Variants in XIRP2 observed in about 807,000 individuals in gnomAD.
XIRP2 encodes xin actin-binding repeat-containing protein 2.
In XIRP2, 236 loss-of-function variants were observed where a neutral mutation model predicts 277.0. The ratio of observed to expected loss-of-function variants is 0.85; its 90% CI spans 0.77 to 0.95. XIRP2 has a LOEUF of 0.95. Among genes scored for constraint, XIRP2 ranks in the 40% least tolerant of loss-of-function variants. The pLI is 0.00. For missense variants in XIRP2, 4,640 were observed against 4,157.5 expected, an observed-to-expected ratio of 1.12 and a Z score of -3.19; for synonymous variants, 1,490 against 1,416.5, an observed-to-expected ratio of 1.05 and a Z score of -1.17.
chr2:166,994,974 C>T (rs528072675), intron 2 of XIRP2, among the ~76,000 whole-genome samples: 86 of 151,920 alleles, frequency 5.7e-4, no homozygotes, highest in Admixed American at 1.0e-3. Flanking sequence ...CTCCGCCTCC[C>T]GGGTTCAAGT....
In XIRP2 at chr2:167,126,671, C is replaced by A. The variant is rs191979151; in HGVS notation, c.409-9238C>A. On this transcript the variant is annotated intron_variant, in intron 2 of 10. Transcript: ENST00000409195. ...GGAAAACTGCCCTCTGCCTCTCCTC[C>A]AATAACTTGTCATTTGCTTTCTTTG... Among the ~76,000 whole-genome samples, 359 of 152,250 alleles carry A rather than the reference C, an allele frequency of 2.4e-3. 2 individuals are homozygous for A. The highest frequency in any genetic ancestry group is 8.3e-3 in the African/African-American group (344 of 41,552).
intron 2 of XIRP2, among the ~76,000 whole-genome samples, chr2:166,925,065 C>T (rs1407218541): frequency 1.3e-5 from 2 of 151,922 alleles, no homozygotes; most frequent in Non-Finnish European, 2.9e-5. Flanking sequence ...GTGTTTTTCT[C>T]TGTGTTAAAA....
At chr2:166,937,313 G>A (rs1194685310) in intron 2 of XIRP2, among the ~76,000 whole-genome samples, 1 of 152,156 alleles carries the variant, frequency 6.6e-6, no homozygotes, top group Non-Finnish European at 1.5e-5. Context: ...ACTGAATTTT[G>A]TCAAAGGCCT....
chr2:167,036,113 G>C (rs58766744), intron 2 of XIRP2, among the ~76,000 whole-genome samples: 14,453 of 152,270 alleles, frequency 0.095, 1,118 homozygotes, highest in East Asian at 0.38. Context: ...CGCCCTCATG[G>C]AGAACCTCTG....
intron 2 of XIRP2, among the ~76,000 whole-genome samples, chr2:167,038,515 A>C (rs953373978): frequency 6.6e-6 from 1 of 150,726 alleles, no homozygotes; most frequent in Admixed American, 6.6e-5. Flanking sequence ...TGACCCAGAA[A>C]TTCTATCCAG....
Position 167,258,811 on chromosome 2 carries a change from A to G in XIRP2, c.*994A>G, listed in dbSNP as rs776237997. Reference sequence around the variant, plus strand: ...ATGAAATTGAGAAGTTAGAAAATACATCTAGAATCTCAGAGTTACTTGGTA... The same window carrying G: ...ATGAAATTGAGAAGTTAGAAAATACGTCTAGAATCTCAGAGTTACTTGGTA... On this transcript the variant is annotated 3_prime_UTR_variant, in exon 11 of 11. Coordinates refer to ENST00000409195, the MANE Select transcript of XIRP2 (RefSeq NM_152381.6). 2 of 1,613,236 alleles carry G rather than the reference A, an allele frequency of 1.2e-6. No individual in the cohort carries two copies. Among genetic ancestry groups the G allele is most frequent in the East Asian group, 4.5e-5 (2 of 44,828 alleles).
chr2:166,947,263 C>T (rs995044935), intron 2 of XIRP2, among the ~76,000 whole-genome samples: 4 of 152,110 alleles, frequency 2.6e-5, no homozygotes, highest in African/African-American at 9.7e-5. Flanking sequence ...ACCTGGGATA[C>T]ATGGGTAGCA....
chr2:167,115,051 A>C (rs1314101510), intron 2 of XIRP2, among the ~76,000 whole-genome samples: 1 of 152,208 alleles, frequency 6.6e-6, no homozygotes, highest in Admixed American at 6.5e-5. Context: ...ACTAGTTTAC[A>C]GTCCCACCAA....
chr2:166,919,709 T>C (rs1030236111), intron 2 of XIRP2, among the ~76,000 whole-genome samples: 1 of 152,076 alleles, frequency 6.6e-6, no homozygotes, highest in African/African-American at 2.4e-5. Context: ...GAAGTTCTCA[T>C]TGAAAAGAAA....
intron 2 of XIRP2, among the ~76,000 whole-genome samples, chr2:167,096,236 G>A (rs1690314433): frequency 6.6e-6 from 1 of 151,890 alleles, no homozygotes. Flanking sequence ...ACTTGTTATT[G>A]GTCTATTCAG....
At chr2:167,257,753 A>G (rs1695700768) in intron 10 of XIRP2, 104 bp from the exon 11 acceptor site, 1 of 1,149,514 alleles carries the variant, frequency 8.7e-7, no homozygotes, top group Non-Finnish European at 1.2e-6. Flanking sequence ...CATTGCTAGT[A>G]ACTTAAGTTT....
chr2:167,095,449 T>A (rs1288667999), intron 2 of XIRP2, among the ~76,000 whole-genome samples: 1 of 152,172 alleles, frequency 6.6e-6, no homozygotes, highest in Admixed American at 6.5e-5. Context: ...TGGCTGTGGG[T>A]TTGTCCTAAA....
intron 2 of XIRP2, among the ~76,000 whole-genome samples, chr2:166,941,473 C>G (rs1200030759): frequency 6.6e-6 from 1 of 152,210 alleles, no homozygotes; most frequent in Non-Finnish European, 1.5e-5. Flanking sequence ...GTCCGACAAG[C>G]CCCAGTGAGA....
chr2:166,899,220 G>A (rs1460262032), intron 1 of XIRP2, among the ~76,000 whole-genome samples: 1 of 152,024 alleles, frequency 6.6e-6, no homozygotes, highest in Non-Finnish European at 1.5e-5. Context: ...TACACATAAA[G>A]CTTATCACAG....
chr2:167,184,698 C>T (rs1693108952), intron 3 of XIRP2: 1 of 700,304 alleles, frequency 1.4e-6, no homozygotes, highest in African/African-American at 1.8e-5. Flanking sequence ...GTTTGGCTAT[C>T]TCTGATGCCT....
At chr2:167,147,165 G>A (rs1251369428) in intron 3 of XIRP2, among the ~76,000 whole-genome samples, 1 of 152,160 alleles carries the variant, frequency 6.6e-6, no homozygotes, top group African/African-American at 2.4e-5. Context: ...ATTTGAGATA[G>A]AAGAGAAAAT....
chr2:167,112,123 C>A (rs1050598955), intron 2 of XIRP2, among the ~76,000 whole-genome samples: 1 of 151,362 alleles, frequency 6.6e-6, no homozygotes, highest in African/African-American at 2.4e-5. Context: ...CTTCTGGATT[C>A]ATTTATCTTT....
chr2:167,133,194 C>T (rs1422346707), intron 2 of XIRP2, among the ~76,000 whole-genome samples: 3 of 152,192 alleles, frequency 2.0e-5, no homozygotes, highest in African/African-American at 7.2e-5. Flanking sequence ...TTTGTTTAAG[C>T]TTCTAGATTT....
chr2:167,063,890 C>A (rs1689233816), intron 2 of XIRP2, among the ~76,000 whole-genome samples: 1 of 151,374 alleles, frequency 6.6e-6, no homozygotes, highest in South Asian at 2.1e-4. Context: ...TTCAATCTGA[C>A]TTTTTACTTT....
Sources: gnomAD v4.1 joint callset for allele counts (sites outside exome capture counted in the v4.1 genomes callset) on GRCh38, gnomAD v4.1.1 for gene constraint, MANE v1.5 for transcripts, NCBI Gene and HGNC (gene_info 2026-07-23, HGNC 2026-07-21) for gene names.